SPMIP11: variants seen among roughly 807,000 people sequenced by gnomAD.
SPMIP11 encodes sperm microtubule inner protein 11, also known as long intergenic non-protein coding RNA 935.
At chr12:48,769,811 G>C in the SPMIP11 span, among the ~76,000 whole-genome samples, 1 of 149,718 alleles carries the variant, frequency 6.7e-6, no homozygotes, top group South Asian at 2.1e-4. Flanking sequence ...ACCCAGGCTG[G>C]AGTGCAGTGG....
At chr12:48,747,890 TGTC>T in the SPMIP11 span, among the ~76,000 whole-genome samples, 1 of 152,202 alleles carries the variant, frequency 6.6e-6, no homozygotes, top group Admixed American at 6.5e-5. Context: ...CAGAGACACC[TGTC>T]GAGACAAAGG....
the SPMIP11 span, among the ~76,000 whole-genome samples, chr12:48,741,436 G>T: frequency 6.6e-6 from 1 of 151,972 alleles, no homozygotes; most frequent in Non-Finnish European, 1.5e-5. Flanking sequence ...CTCATGATTA[G>T]ATTGAGTTTA....
At chr12:48,730,627 C>G in the SPMIP11 span, among the ~76,000 whole-genome samples, 1 of 152,160 alleles carries the variant, frequency 6.6e-6, no homozygotes, top group Non-Finnish European at 1.5e-5. Context: ...TTACTGTTCC[C>G]TTTTTATCAG....
At chr12:48,733,072 C>CTTTTTTTTT in the SPMIP11 span, among the ~76,000 whole-genome samples, 2 of 110,854 alleles carry the variant, frequency 1.8e-5, no homozygotes, top group Non-Finnish European at 1.7e-5. Context: ...ACAAGTTAAT[C>CTTTTTTTTT]TTTTTTTTTT....
At chr12:48,742,277 CCT>C in the SPMIP11 span, among the ~76,000 whole-genome samples, 73 of 87,218 alleles carry the variant, frequency 8.4e-4, 5 homozygotes, top group African/African-American at 3.1e-3. Context: ...CTTTTCTTTT[CCT>C]TTTTTTTTTT....
At chr12:48,768,932 C>A in the SPMIP11 span, 1 of 1,606,122 alleles carries the variant, frequency 6.2e-7, no homozygotes, top group African/African-American at 1.3e-5. Context: ...TCATATCCCC[C>A]TCACCTGGAT....
chr12:48,770,981 C>G, the SPMIP11 span: 1 of 1,611,220 alleles, frequency 6.2e-7, no homozygotes. Context: ...CTGAACAACA[C>G]AAGGAGACCT....
the SPMIP11 span, among the ~76,000 whole-genome samples, chr12:48,732,146 C>CAA: frequency 7.9e-5 from 8 of 100,730 alleles, no homozygotes; most frequent in Non-Finnish European, 1.5e-4. Context: ...AAGATTGTCT[C>CAA]AAAAAAAAAA....
chr12:48,758,845 T>C, the SPMIP11 span, among the ~76,000 whole-genome samples: 1 of 152,368 alleles, frequency 6.6e-6, no homozygotes, highest in South Asian at 2.1e-4. Flanking sequence ...ACTTCCACTA[T>C]TAGACCATTT....
At chr12:48,737,702 A>T in the SPMIP11 span, among the ~76,000 whole-genome samples, 880 of 152,276 alleles carry the variant, frequency 5.8e-3, 7 homozygotes, top group African/African-American at 0.019. Context: ...GGCGTGAGCC[A>T]CCGTGCCCAG....
At chr12:48,736,262 A>C in the SPMIP11 span, 3 of 309,384 alleles carry the variant, frequency 9.7e-6, no homozygotes, top group Non-Finnish European at 1.9e-5. Context: ...ACACACGAAA[A>C]TTAGCCAGGC....
the SPMIP11 span, among the ~76,000 whole-genome samples, chr12:48,749,769 G>A: frequency 1.4e-5 from 2 of 146,070 alleles, no homozygotes; most frequent in South Asian, 4.5e-4. Flanking sequence ...TCAGCTCACT[G>A]CAAGCTCTGC....
chr12:48,749,474 A>G, the SPMIP11 span, among the ~76,000 whole-genome samples: 1 of 150,546 alleles, frequency 6.6e-6, no homozygotes, highest in East Asian at 2.0e-4. Flanking sequence ...ACTAAAAATA[A>G]AAAATTAGCC....
the SPMIP11 span, among the ~76,000 whole-genome samples, chr12:48,747,707 T>G: frequency 1.3e-5 from 2 of 152,186 alleles, no homozygotes; most frequent in African/African-American, 2.4e-5. Context: ...ACCATATCAT[T>G]CAATCTTCCA....
At chr12:48,744,151 G>A in the SPMIP11 span, among the ~76,000 whole-genome samples, 5 of 151,334 alleles carry the variant, frequency 3.3e-5, no homozygotes, top group African/African-American at 2.4e-5. Flanking sequence ...AGGAGGCCGA[G>A]GCAGGAGAAT....
the SPMIP11 span, among the ~76,000 whole-genome samples, chr12:48,731,348 A>T: frequency 6.6e-6 from 1 of 152,120 alleles, no homozygotes; most frequent in Non-Finnish European, 1.5e-5. Context: ...AAAATTAGCC[A>T]GGTGTGGCAG....
the SPMIP11 span, chr12:48,768,640 C>T: frequency 6.2e-7 from 1 of 1,614,154 alleles, no homozygotes; most frequent in Non-Finnish European, 8.5e-7. Flanking sequence ...CTCCCCCTTG[C>T]CCTTCACCTT....
chr12:48,738,679 C>G, the SPMIP11 span, among the ~76,000 whole-genome samples: 1 of 151,982 alleles, frequency 6.6e-6, no homozygotes, highest in South Asian at 2.1e-4. Flanking sequence ...GGACTACAGG[C>G]GCCCGCCACC....
chr12:48,763,427 T>C, the SPMIP11 span, among the ~76,000 whole-genome samples: 1 of 151,616 alleles, frequency 6.6e-6, no homozygotes, highest in Non-Finnish European at 1.5e-5. Flanking sequence ...CATCTGCCTC[T>C]TAAAGTGCTG....
Sources: gnomAD v4.1 joint callset for allele counts (sites outside exome capture counted in the v4.1 genomes callset) on GRCh38, gnomAD v4.1.1 for gene constraint, MANE v1.5 for transcripts, NCBI Gene and HGNC (gene_info 2026-07-23, HGNC 2026-07-21) for gene names.